The following GFRA1 variants were observed in gnomAD, a reference collection of about 807,000 sequenced individuals.
GFRA1 encodes GDNF family receptor alpha 1.
A neutral mutation model predicts 51.6 loss-of-function variants in GFRA1; 16 were observed. The observed-to-expected ratio is 0.31, with a 90% CI of 0.21 to 0.47. GFRA1 has a LOEUF of 0.47. Ranked by LOEUF, GFRA1 falls within the 20% of genes least tolerant of loss-of-function variation. The probability of loss-of-function intolerance (pLI) is 1.00; values close to 1 mark genes in which losing one functional copy is unlikely to be tolerated. For synonymous variants in GFRA1, 270 were observed against 241.3 expected (o/e 1.12, Z -1.10); for missense variants, 530 against 594.3 (o/e 0.89, Z 1.13).
intron 5 of GFRA1, among the ~76,000 whole-genome samples, chr10:116,198,781 A>T (rs1443136411): frequency 6.6e-6 from 1 of 152,146 alleles, no homozygotes; most frequent in Non-Finnish European, 1.5e-5. Context: ...CTGGTCATCC[A>T]TCTGTAGTGG....
chr10:116,103,290 T>C (rs1016467139), intron 6 of GFRA1, among the ~76,000 whole-genome samples: 4 of 152,234 alleles, frequency 2.6e-5, no homozygotes, highest in Non-Finnish European at 4.4e-5. Flanking sequence ...TTTTTACTTC[T>C]ATCCCTTCAT....
intron 6 of GFRA1, among the ~76,000 whole-genome samples, chr10:116,105,046 C>T (rs1956956024): frequency 6.6e-6 from 1 of 152,162 alleles, no homozygotes; most frequent in African/African-American, 2.4e-5. Flanking sequence ...TTATATTACC[C>T]ATACTATGCT....
intron 5 of GFRA1, among the ~76,000 whole-genome samples, chr10:116,179,653 C>T (rs1043405370): frequency 6.6e-6 from 1 of 152,090 alleles, no homozygotes; most frequent in Non-Finnish European, 1.5e-5. Flanking sequence ...TGCTTTGGGA[C>T]ACAGAGATCT....
At position 116,064,513 on chromosome 10, in the gene GFRA1, G is replaced by A. The variant is rs1955003829; in HGVS notation, c.1283C>T (p.Ser428Phe). Reference sequence around the variant, plus strand: ...CATTGATTTTGTGGTTATGTGGCTGGAAGCACCGAGACCTTCTTTTTCATA... The same window carrying A: ...CATTGATTTTGTGGTTATGTGGCTGAAAGCACCGAGACCTTCTTTTTCATA... Reference protein sequence around the residue: ...GNYEKEGLGASSHITTKSMAA... With the variant: ...GNYEKEGLGAFSHITTKSMAA... The change falls in exon 11 of 11, where the codon TCC becomes TTC. Residue 428 changes from serine (S) to phenylalanine (F), a missense_variant. Transcript: ENST00000355422. 1 of 1,613,034 alleles carries A rather than the reference G, an allele frequency of 6.2e-7. No individual in the cohort carries two copies. Among genetic ancestry groups the A allele is most frequent in the Non-Finnish European group, 8.5e-7 (1 of 1,179,480 alleles).
chr10:116,229,643 G>A (rs1966556498), intron 4 of GFRA1, among the ~76,000 whole-genome samples: 1 of 152,200 alleles, frequency 6.6e-6, no homozygotes, highest in South Asian at 2.1e-4. Context: ...GCACATGAAG[G>A]TGAGGAGGTG....
intron 6 of GFRA1, among the ~76,000 whole-genome samples, chr10:116,110,975 C>T (rs766512608): frequency 6.6e-5 from 10 of 152,112 alleles, no homozygotes; most frequent in African/African-American, 2.2e-4. Context: ...CTTGAACACA[C>T]GTGTGTTTGC....
chr10:116,119,292 T>C (rs553963260), intron 6 of GFRA1, among the ~76,000 whole-genome samples: 71 of 151,950 alleles, frequency 4.7e-4, no homozygotes, highest in African/African-American at 1.7e-3. Flanking sequence ...CACATAGGAG[T>C]CCAGCGGCCC....
intron 5 of GFRA1, among the ~76,000 whole-genome samples, chr10:116,131,520 A>G (rs1157088755): frequency 6.6e-6 from 1 of 152,218 alleles, no homozygotes; most frequent in African/African-American, 2.4e-5. Flanking sequence ...ATCAATAGGA[A>G]AATGGCTCAA....
At chr10:116,175,259 G>A (rs752661346) in intron 5 of GFRA1, among the ~76,000 whole-genome samples, 2 of 152,148 alleles carry the variant, frequency 1.3e-5, no homozygotes, top group African/African-American at 2.4e-5. Context: ...TCTGTGCCTA[G>A]TGTGGAATGC....
At chr10:116,216,598 G>A (rs1471175342) in intron 4 of GFRA1, among the ~76,000 whole-genome samples, 1 of 152,172 alleles carries the variant, frequency 6.6e-6, no homozygotes, top group Non-Finnish European at 1.5e-5. Flanking sequence ...CTCAAACAAT[G>A]TAATCATACT....
At chr10:116,079,677 G>A (rs896589515) in intron 9 of GFRA1, among the ~76,000 whole-genome samples, 7 of 152,170 alleles carry the variant, frequency 4.6e-5, no homozygotes, top group Non-Finnish European at 7.4e-5. Flanking sequence ...CAATGCACAG[G>A]ACAGCCCCCC....
chr10:116,214,831 C>T (rs1965450041), intron 4 of GFRA1, among the ~76,000 whole-genome samples: 2 of 152,154 alleles, frequency 1.3e-5, no homozygotes. Context: ...GATGGAAATT[C>T]GGGCAGGGAT....
In GFRA1 at chr10:116,104,671, A is replaced by C. The variant is rs573515341; in HGVS notation, c.771-7907T>G. On this transcript the variant is annotated intron_variant, in intron 6 of 10. Coordinates refer to ENST00000355422, the MANE Select transcript of GFRA1 (RefSeq NM_005264.8). Reference sequence around the variant, plus strand: ...CAAACTGCAGTAGCCCCCCGAGGGAAGTCTAGGTTGGCATCTGATCAATTT... The same window carrying C: ...CAAACTGCAGTAGCCCCCCGAGGGACGTCTAGGTTGGCATCTGATCAATTT... Among the ~76,000 whole-genome samples, 17 of 152,294 alleles carry C rather than the reference A, an allele frequency of 1.1e-4. No individual in the cohort carries two copies. The South Asian group carries it at 2.5e-3, about 22-fold the overall frequency.
chr10:116,186,915 C>A (rs1962775522), intron 5 of GFRA1, among the ~76,000 whole-genome samples: 1 of 148,130 alleles, frequency 6.8e-6, no homozygotes, highest in Non-Finnish European at 1.5e-5. Context: ...CAAGCTAGTG[C>A]CCCTCCATGC....
At chr10:116,216,155 TTATTAA>T (rs1021379322) in intron 4 of GFRA1, among the ~76,000 whole-genome samples, 1 of 152,208 alleles carries the variant, frequency 6.6e-6, no homozygotes, top group Non-Finnish European at 1.5e-5. Context: ...TTATTTATTA[TTATTAA>T]TAAGTTATGG....
intron 9 of GFRA1, among the ~76,000 whole-genome samples, chr10:116,082,556 C>A (rs1955897762): frequency 6.6e-6 from 1 of 152,024 alleles, no homozygotes; most frequent in Non-Finnish European, 1.5e-5. Flanking sequence ...TCTTGGCTCA[C>A]CACAACCTCC....
intron 5 of GFRA1, among the ~76,000 whole-genome samples, chr10:116,153,618 A>G (rs1054369146): frequency 6.6e-6 from 1 of 152,342 alleles, no homozygotes; most frequent in African/African-American, 2.4e-5. Context: ...GTGTGGACAT[A>G]AACAATATAG....
At chr10:116,212,057 A>G (rs1965232659) in intron 4 of GFRA1, among the ~76,000 whole-genome samples, 1 of 152,248 alleles carries the variant, frequency 6.6e-6, no homozygotes, top group African/African-American at 2.4e-5. Flanking sequence ...TTCTCATTTT[A>G]TAGATGGGGA....
chr10:116,083,253 G>C (rs1299777836), intron 9 of GFRA1, among the ~76,000 whole-genome samples: 2 of 152,156 alleles, frequency 1.3e-5, no homozygotes, highest in Non-Finnish European at 2.9e-5. Context: ...TAAGGACAGG[G>C]GGTGAACCCC....
Sources: allele counts gnomAD v4.1 joint callset (sites outside exome capture counted in the v4.1 genomes callset), GRCh38; gene constraint gnomAD v4.1.1; transcripts MANE v1.5; gene names NCBI Gene and HGNC (gene_info 2026-07-23, HGNC 2026-07-21).